The following JADE3 variants were observed in gnomAD, a reference collection of about 807,000 sequenced individuals.
JADE3 encodes jade family PHD finger 3, also known as protein Jade-3.
A neutral mutation model predicts 50.1 loss-of-function variants in JADE3; 2 were observed. That is an observed-to-expected ratio of 0.04 (90% CI 0.02 to 0.13). JADE3 has a LOEUF of 0.13. JADE3 is among the 10% of genes least tolerant of loss of function. The pLI is 1.00. For missense variants in JADE3, 475 were observed against 634.4 expected, an observed-to-expected ratio of 0.75 and a Z score of 2.70; for synonymous variants, 218 against 232.9, an observed-to-expected ratio of 0.94 and a Z score of 0.58.
intron 1 of JADE3, among the ~76,000 whole-genome samples, chrX:46,919,320 C>T (rs782288901): frequency 8.9e-6 from 1 of 111,943 alleles, no homozygotes; most frequent in East Asian, 2.8e-4. Context: ...ATTTTGTGGT[C>T]AAGCCAAAAG....
At chrX:46,963,886 G>A (rs184428278) in intron 1 of JADE3, among the ~76,000 whole-genome samples, 1 of 112,094 alleles carries the variant, frequency 8.9e-6, no homozygotes. Context: ...CCAGATTCAA[G>A]GAGCATCCAT....
chrX:47,027,029 A>G (rs927288643), intron 5 of JADE3, among the ~76,000 whole-genome samples: 2 of 112,324 alleles, frequency 1.8e-5, no homozygotes, highest in Non-Finnish European at 3.8e-5. Context: ...ATGGTAGTTT[A>G]TGTGGAATTC....
At chrX:47,018,838 C>T (rs1182092937) in intron 4 of JADE3, among the ~76,000 whole-genome samples, 3 of 111,316 alleles carry the variant, frequency 2.7e-5, no homozygotes, top group Non-Finnish European at 5.7e-5. Flanking sequence ...TCTAGGGCCT[C>T]ATCAAGGAAG....
intron 1 of JADE3, among the ~76,000 whole-genome samples, chrX:46,949,084 C>T (rs1268654827): frequency 1.8e-5 from 2 of 110,664 alleles, no homozygotes; most frequent in Non-Finnish European, 3.8e-5. Context: ...CAGGTACATG[C>T]CACCATGCCC....
In JADE3 at chrX:47,059,761, G is replaced by A. The variant is rs1236007290; in HGVS notation, c.*684G>A. The stretch of plus-strand genomic sequence containing the variant: ...CATAAAAGGCTAACTTGTGGATAGT[G>A]TTTACAAAAGTACAAAAGTACTACT... On this transcript the variant is annotated 3_prime_UTR_variant, in exon 11 of 11. Transcript: ENST00000614628. 8.9e-6 allele frequency: 1 copy of A among 112,066 alleles called. No individual in the cohort carries two copies. Among genetic ancestry groups the A allele is most frequent in the Non-Finnish European group, 1.9e-5 (1 of 53,219 alleles). The allele number at this position is 112,066 out of a possible 1,213,427, so 9.2% of individuals were successfully genotyped here. A position where few individuals can be genotyped will look rare whatever the true frequency, so the allele number is the denominator to read the frequency against.
chrX:46,946,006 T>G (rs1926878209), intron 1 of JADE3, among the ~76,000 whole-genome samples: 1 of 111,953 alleles, frequency 8.9e-6, no homozygotes, highest in Non-Finnish European at 1.9e-5. Flanking sequence ...TTCCTTATAG[T>G]GCATACATTC....
At chrX:46,951,154 C>T (rs1287836579) in intron 1 of JADE3, among the ~76,000 whole-genome samples, 4 of 107,249 alleles carry the variant, frequency 3.7e-5, no homozygotes, top group African/African-American at 1.3e-4. Flanking sequence ...TCTCGGCTCA[C>T]TGCAACCTCC....
chrX:47,045,690 A>G (rs782464591), intron 8 of JADE3, among the ~76,000 whole-genome samples: 17 of 112,461 alleles, frequency 1.5e-4, no homozygotes, highest in African/African-American at 3.9e-4. Context: ...GAAATCATCA[A>G]TTATCTTCTC....
At chrX:46,991,047 T>TCCCCCCCCCCC (rs1927982991) in intron 3 of JADE3, among the ~76,000 whole-genome samples, 1 of 1,609 alleles carries the variant, frequency 6.2e-4, no homozygotes. Flanking sequence ...CTTCCTTCCC[T>TCCCCCCCCCCC]CCCTCCCTCC....
chrX:46,959,479 C>T (rs1927209213), intron 1 of JADE3, among the ~76,000 whole-genome samples: 2 of 111,998 alleles, frequency 1.8e-5, no homozygotes, highest in East Asian at 2.8e-4. Flanking sequence ...GTGAACAACA[C>T]AGGCATAGTC....
At chrX:47,028,650 G>A (rs1021610720) in intron 6 of JADE3, among the ~76,000 whole-genome samples, 2 of 111,265 alleles carry the variant, frequency 1.8e-5, no homozygotes, top group Non-Finnish European at 3.8e-5. Flanking sequence ...CACAAATACC[G>A]GGAGAGGTGA....
chrX:47,032,460 A>G (rs782262549), intron 6 of JADE3, among the ~76,000 whole-genome samples: 1 of 110,979 alleles, frequency 9.0e-6, no homozygotes, highest in South Asian at 3.8e-4. Context: ...AGGGCTTGCC[A>G]CTGTACAATG....
intron 1 of JADE3, among the ~76,000 whole-genome samples, chrX:46,917,129 A>C (rs1477345061): frequency 9.5e-6 from 1 of 105,001 alleles, no homozygotes; most frequent in African/African-American, 3.5e-5. Flanking sequence ...GGTAGTGAGA[A>C]TTGATCAATG....
intron 1 of JADE3, among the ~76,000 whole-genome samples, chrX:46,922,781 T>C (rs1310617332): frequency 9.0e-6 from 1 of 111,648 alleles, no homozygotes; most frequent in Admixed American, 9.6e-5. Context: ...ATATTAATCA[T>C]AGTTCTTTTA....
Position 47,054,463 on chromosome X carries a change from T to C in JADE3, c.1278T>C (p.Ala426=), listed in dbSNP as rs1556372959. Residue 426 remains alanine (A), a synonymous_variant, in exon 9 of 11, where the codon GCT becomes GCC. Coordinates refer to ENST00000614628, the MANE Select transcript of JADE3 (RefSeq NM_014735.5). ...CAGAGCTGGGTATGCCCACGCTAGC[T>C]GTGGACTTTATCTATAACTACTGGA... ...VAAELGMPTL[A]VDFIYNYWKL... 8.3e-7 allele frequency: 1 copy of C among 1,209,075 alleles called. No individual in the cohort carries two copies. The highest frequency in any genetic ancestry group is 1.7e-5 in the African/African-American group (1 of 57,223).
At chrX:46,947,053 T>C (rs1180161793) in intron 1 of JADE3, among the ~76,000 whole-genome samples, 1 of 111,872 alleles carries the variant, frequency 8.9e-6, no homozygotes, top group Non-Finnish European at 1.9e-5. Flanking sequence ...GGAGTCTCAC[T>C]CTGTCACCCA....
intron 4 of JADE3, among the ~76,000 whole-genome samples, chrX:47,009,918 C>A (rs1021346592): frequency 9.1e-5 from 10 of 109,978 alleles, no homozygotes; most frequent in African/African-American, 3.3e-4. Context: ...AACCACTATG[C>A]CTGGCCCACT....
At chrX:47,006,118 A>G (rs1200018068) in intron 4 of JADE3, among the ~76,000 whole-genome samples, 1 of 112,234 alleles carries the variant, frequency 8.9e-6, no homozygotes, top group Non-Finnish European at 1.9e-5. Context: ...AGATTTTAAA[A>G]CAGCCAACAT....
At chrX:47,035,622 G>A (rs868938465) in intron 7 of JADE3, among the ~76,000 whole-genome samples, 2 of 111,118 alleles carry the variant, frequency 1.8e-5, no homozygotes, top group South Asian at 3.8e-4. Context: ...CTAGTTCTTG[G>A]TTTCCAGTGC....
Sources: gnomAD v4.1 joint callset for allele counts (sites outside exome capture counted in the v4.1 genomes callset) on GRCh38, gnomAD v4.1.1 for gene constraint, MANE v1.5 for transcripts, NCBI Gene and HGNC (gene_info 2026-07-23, HGNC 2026-07-21) for gene names.